Variants in CNOT4 observed in about 807,000 individuals in gnomAD.
CNOT4 encodes the protein CCR4-NOT transcription complex subunit 4.
In CNOT4, 8 loss-of-function variants were observed where a neutral mutation model predicts 73.8. The ratio of observed to expected loss-of-function variants is 0.11; its 90% CI spans 0.06 to 0.20. CNOT4 has a LOEUF of 0.20. Among genes scored for constraint, CNOT4 ranks in the 10% least tolerant of loss-of-function variants. The pLI, the probability that CNOT4 is intolerant of heterozygous loss-of-function variation, is 1.00. For missense variants in CNOT4, 564 were observed against 883.4 expected (o/e 0.64, Z 4.58); for synonymous variants, 293 against 321.1 (o/e 0.91, Z 0.94).
At chr7:135,484,206 ATTAAT>A (rs1211067979) in intron 1 of CNOT4, among the ~76,000 whole-genome samples, 2 of 152,132 alleles carry the variant, frequency 1.3e-5, no homozygotes, top group African/African-American at 2.4e-5. Flanking sequence ...AAATAAATAA[ATTAAT>A]TTAATTTAAA....
chr7:135,384,430 GC>G (rs1286733162), intron 10 of CNOT4: 3 of 400,092 alleles, frequency 7.5e-6, no homozygotes, highest in African/African-American at 4.2e-5. Flanking sequence ...GGCTACAGGT[GC>G]CCGCCACCAC....
intron 1 of CNOT4, among the ~76,000 whole-genome samples, chr7:135,496,216 C>T (rs1803572657): frequency 6.6e-6 from 1 of 152,106 alleles, no homozygotes; most frequent in Admixed American, 6.5e-5. Flanking sequence ...CCTCAGCCTC[C>T]CAAGTAGCTG....
rs111521878 is a variant in CNOT4 at position 135,455,574 on chromosome 7, TA to T, written c.-92-17152del. ...TTCAGGAAGTTTAAGCCCACAGGTT[TA>T]AAAAAAAAAAAGACTAAGGCCAGGC... On this transcript the variant is annotated intron_variant, in intron 1 of 11. Transcript: ENST00000541284. Among the ~76,000 whole-genome samples, 291 of 143,640 alleles carry T rather than the reference TA, an allele frequency of 2.0e-3. 1 individual carries two copies. Among genetic ancestry groups the T allele is most frequent in the Middle Eastern group, 3.6e-3 (1 of 276 alleles). The allele number at this position is 143,640 out of a possible 152,430, so 94.2% of individuals were successfully genotyped here.
At chr7:135,418,251 A>T (rs1012750452) in intron 3 of CNOT4, among the ~76,000 whole-genome samples, 13 of 152,224 alleles carry the variant, frequency 8.5e-5, no homozygotes, top group Non-Finnish European at 1.9e-4. Context: ...AACACTCTAG[A>T]TTCTGCCTAA....
chr7:135,428,246 C>G (rs898156699), intron 2 of CNOT4, among the ~76,000 whole-genome samples: 22 of 152,102 alleles, frequency 1.4e-4, no homozygotes, highest in Non-Finnish European at 1.5e-4. Flanking sequence ...CAAATTGAAG[C>G]CTCTCTAGAG....
At chr7:135,371,171 G>C (rs1052435820) in intron 10 of CNOT4, among the ~76,000 whole-genome samples, 1 of 152,208 alleles carries the variant, frequency 6.6e-6, no homozygotes, top group African/African-American at 2.4e-5. Flanking sequence ...AGGCACTGTA[G>C]TTTAAAGAAT....
chr7:135,469,674 G>A (rs1801450746), intron 1 of CNOT4, among the ~76,000 whole-genome samples: 1 of 152,078 alleles, frequency 6.6e-6, no homozygotes, highest in Admixed American at 6.5e-5. Context: ...GGGGAAAATA[G>A]TTTTAAACAT....
At chr7:135,382,074 G>C (rs1795873486) in intron 10 of CNOT4, among the ~76,000 whole-genome samples, 1 of 152,144 alleles carries the variant, frequency 6.6e-6, no homozygotes, top group African/African-American at 2.4e-5. Flanking sequence ...TGGTTCTCAA[G>C]GTCAACAACT....
At chr7:135,416,360 T>C (rs1054926896) in intron 3 of CNOT4, among the ~76,000 whole-genome samples, 1 of 152,168 alleles carries the variant, frequency 6.6e-6, no homozygotes, top group Admixed American at 6.6e-5. Flanking sequence ...TAATCTTATA[T>C]TTTATTTTAG....
intron 1 of CNOT4, among the ~76,000 whole-genome samples, chr7:135,478,694 CTCTG>C (rs1415871112): frequency 6.6e-6 from 1 of 152,110 alleles, no homozygotes; most frequent in Non-Finnish European, 1.5e-5. Context: ...CAGAATGAAA[CTCTG>C]TCTGAATCAA....
chr7:135,476,958 A>G (rs974446562), intron 1 of CNOT4, among the ~76,000 whole-genome samples: 26 of 152,158 alleles, frequency 1.7e-4, no homozygotes, highest in Non-Finnish European at 1.9e-4. Context: ...AAACACATTA[A>G]AGCAAACTTT....
intron 7 of CNOT4, 65 bp from the exon 8 acceptor site, chr7:135,398,291 T>C: frequency 2.5e-6 from 2 of 808,644 alleles, no homozygotes; most frequent in Admixed American, 2.4e-5. Flanking sequence ...AAAAACAAAC[T>C]CCTCAAAAGA....
chr7:135,396,107 C>CT (rs71174519), intron 8 of CNOT4, among the ~76,000 whole-genome samples: 2,840 of 95,310 alleles, frequency 0.03, 513 homozygotes, highest in African/African-American at 0.097. Context: ...ACTAGTCTCC[C>CT]TTTTTTTTTT....
chr7:135,387,097 A>T (rs1563018170), intron 10 of CNOT4: 6 of 984,242 alleles, frequency 6.1e-6, no homozygotes, highest in Non-Finnish European at 7.2e-6. Flanking sequence ...CTCTTACAGT[A>T]AAAATGAAAA....
At chr7:135,395,909 TA>T in intron 8 of CNOT4, 26 bp from the exon 9 acceptor site, 1 of 1,512,706 alleles carries the variant, frequency 6.6e-7, no homozygotes, top group Non-Finnish European at 9.2e-7. Context: ...AAACAAATAA[TA>T]ACTACATGTT....
chr7:135,412,840 A>C (rs1441260203), intron 6 of CNOT4, among the ~76,000 whole-genome samples: 6 of 151,960 alleles, frequency 3.9e-5, no homozygotes, highest in Admixed American at 3.3e-4. Context: ...TCCTCATTTA[A>C]TATGTCGTAT....
At chr7:135,431,092 T>G (rs1798804466) in intron 2 of CNOT4, among the ~76,000 whole-genome samples, 2 of 152,046 alleles carry the variant, frequency 1.3e-5, no homozygotes, top group South Asian at 2.1e-4. Flanking sequence ...CAGCGAGACC[T>G]TTACAAAAAA....
intron 10 of CNOT4, among the ~76,000 whole-genome samples, chr7:135,378,315 C>CCA (rs2129482816): frequency 6.6e-6 from 1 of 151,400 alleles, no homozygotes; most frequent in Admixed American, 6.6e-5. Flanking sequence ...ACCAGCCTGG[C>CCA]CAACAATGTG....
intron 7 of CNOT4, among the ~76,000 whole-genome samples, 191 bp downstream of exon 7, chr7:135,410,324 T>C (rs1268658159): frequency 5.3e-5 from 8 of 152,112 alleles, no homozygotes; most frequent in Non-Finnish European, 1.0e-4. Flanking sequence ...GTCTGAAGTG[T>C]TACCAGGGAA....
Sources: allele counts gnomAD v4.1 joint callset (sites outside exome capture counted in the v4.1 genomes callset), GRCh38; gene constraint gnomAD v4.1.1; transcripts MANE v1.5; gene names NCBI Gene and HGNC (gene_info 2026-07-23, HGNC 2026-07-21).